Variants in ATP5PF observed in about 807,000 individuals in gnomAD.
ATP5PF encodes the protein ATP synthase peripheral stalk subunit F6, mitochondrial.
ATP5PF carries 7 observed loss-of-function variants against 12.0 expected under a neutral mutation model. The ratio of observed to expected loss-of-function variants is 0.58; its 90% CI spans 0.33 to 1.10. The LOEUF (loss-of-function observed/expected upper bound fraction) is 1.10, where lower values mean the gene tolerates loss of function less well. Ranked by LOEUF, ATP5PF falls within the 50% of genes least tolerant of loss-of-function variation. The pLI is 0.03. For synonymous variants in ATP5PF, 41 were observed against 45.4 expected (o/e 0.90, Z 0.39); for missense variants, 120 against 127.7 (o/e 0.94, Z 0.29).
At chr21:25,735,311 G>T (rs1304174716), upstream of ATP5PF, 7 of 306,754 alleles carry the variant, frequency 2.3e-5, no homozygotes, top group East Asian at 6.5e-5. Flanking sequence ...GTGCTTCCTT[G>T]TACCTCGTGA....
intron 1 of ATP5PF, 83 bp downstream of exon 1, chr21:25,734,770 G>A (rs1189517149): frequency 7.3e-7 from 1 of 1,364,682 alleles, no homozygotes; most frequent in African/African-American, 1.4e-5. Flanking sequence ...CCTAGTAAAG[G>A]TGAGAGGCAG....
rs1303635543 is a variant in ATP5PF, at chr21:25,734,889, C to G, written c.-44G>C. ...TCCCGAGCTGCCAAAGCCTCCGCCGCCACCACCTCCGCTCTACTTCCGGCC... is the reference window on the plus strand; with the variant it reads ...TCCCGAGCTGCCAAAGCCTCCGCCGGCACCACCTCCGCTCTACTTCCGGCC... On this transcript the variant is annotated 5_prime_UTR_variant, in exon 1 of 4. Coordinates refer to ENST00000284971, the MANE Select transcript of ATP5PF (RefSeq NM_001003703.2). The G allele has an allele frequency of 6.4e-7, 1 of 1,554,804 alleles. No individual in the cohort carries two copies. Among genetic ancestry groups the G allele is most frequent in the East Asian group, 2.4e-5 (1 of 41,596 alleles).
In ATP5PF at chr21:25,724,828, G is replaced by A. The variant is rs76886063; in HGVS notation, c.290-151C>T. Reference sequence around the variant, plus strand: ...CATAGAAATATAGCTAAACATTTATGCAACACTTTCTATGAGCCATGCATT... The same window carrying A: ...CATAGAAATATAGCTAAACATTTATACAACACTTTCTATGAGCCATGCATT... On this transcript the variant is annotated intron_variant, in intron 3 of 3. Coordinates refer to ENST00000284971, the MANE Select transcript of ATP5PF (RefSeq NM_001003703.2). 956 of 775,820 alleles carry A rather than the reference G, an allele frequency of 1.2e-3. 8 individuals are homozygous for A. In the East Asian group the frequency reaches 0.024, roughly 20 times the overall value. The allele number at this position is 775,820 out of a possible 1,614,324, so 48.1% of individuals were successfully genotyped here.
upstream of ATP5PF, chr21:25,735,310 T>A (rs2034998634): frequency 3.3e-6 from 1 of 305,736 alleles, no homozygotes; most frequent in Non-Finnish European, 6.2e-6. Context: ...TGTGCTTCCT[T>A]GTACCTCGTG....
chr21:25,732,985 C>CAAAAAAAAA (rs370858284), intron 1 of ATP5PF, among the ~76,000 whole-genome samples: 7 of 47,810 alleles, frequency 1.5e-4, no homozygotes, highest in Admixed American at 3.7e-4. Flanking sequence ...AACTCTGTCT[C>CAAAAAAAAA]AAAAAAAAAA....
At chr21:25,728,631 G>C (rs546971816) in intron 2 of ATP5PF, among the ~76,000 whole-genome samples, 2 of 152,162 alleles carry the variant, frequency 1.3e-5, no homozygotes, top group African/African-American at 2.4e-5. Flanking sequence ...AAAATGATGT[G>C]AGTAAATTCT....
At chr21:25,734,789 T>C in intron 1 of ATP5PF, 64 bp downstream of exon 1, 1 of 1,470,708 alleles carries the variant, frequency 6.8e-7, no homozygotes, top group Non-Finnish European at 9.1e-7. Context: ...AGCCCAGGCC[T>C]CGTGAAAAAA....
upstream of ATP5PF, chr21:25,735,002 T>C (rs763296625): frequency 5.8e-6 from 9 of 1,545,966 alleles, no homozygotes; most frequent in Admixed American, 1.6e-4. Context: ...ACAGGAAGCG[T>C]CTCGGAGACA....
chr21:25,735,226 G>A, upstream of ATP5PF: 2 of 582,572 alleles, frequency 3.4e-6, no homozygotes, highest in East Asian at 2.9e-5. Context: ...TCAGCGTCCT[G>A]TTCGTTAGGG....
intron 1 of ATP5PF, among the ~76,000 whole-genome samples, chr21:25,733,553 C>T (rs371171180): frequency 6.6e-6 from 1 of 151,770 alleles, no homozygotes; most frequent in East Asian, 1.9e-4. Context: ...GTCAAAGTTA[C>T]ACAGCAAAAT....
chr21:25,725,164 G>T (rs2034583173), intron 3 of ATP5PF, 62 bp downstream of exon 3: 2 of 1,540,674 alleles, frequency 1.3e-6, no homozygotes, highest in Non-Finnish European at 1.7e-6. Flanking sequence ...AAAAATCCAG[G>T]TAAGTGTAAA....
chr21:25,732,547 G>A (rs1341580442), intron 1 of ATP5PF, among the ~76,000 whole-genome samples: 3 of 151,736 alleles, frequency 2.0e-5, no homozygotes, highest in African/African-American at 7.3e-5. Context: ...TTGGGAGGCT[G>A]AGGCTGGAGG....
intron 1 of ATP5PF, among the ~76,000 whole-genome samples, chr21:25,732,790 C>T (rs2034821260): frequency 6.6e-6 from 1 of 151,772 alleles, no homozygotes; most frequent in African/African-American, 2.4e-5. Context: ...TCAAGATCAG[C>T]CTGACCAACA....
At chr21:25,729,838 C>T in intron 1 of ATP5PF, 37 bp from the exon 2 acceptor site, 1 of 1,590,818 alleles carries the variant, frequency 6.3e-7, no homozygotes, top group Non-Finnish European at 8.6e-7. Context: ...CGTTAATATA[C>T]TTATTATAAA....
chr21:25,730,736 C>CACAAAAAAAAAAAAAAAAAAAAAAAAAA (rs1219090743), intron 1 of ATP5PF, among the ~76,000 whole-genome samples: 1 of 31,880 alleles, frequency 3.1e-5, no homozygotes, highest in Non-Finnish European at 7.0e-5. Context: ...CTCCGTCTCA[C>CACAAAAAAAAAAAAAAAAAAAAAAAAAA]AAAAAAAAAA....
intron 2 of ATP5PF, among the ~76,000 whole-genome samples, chr21:25,725,689 C>T (rs58330961): frequency 0.12 from 17,696 of 152,242 alleles, 1,223 homozygotes; most frequent in East Asian, 0.29. Flanking sequence ...CCGCCCGCCT[C>T]GGCCTCCCAT....
At chr21:25,734,048 C>T (rs2034903409) in intron 1 of ATP5PF, among the ~76,000 whole-genome samples, 1 of 152,234 alleles carries the variant, frequency 6.6e-6, no homozygotes, top group South Asian at 2.1e-4. Flanking sequence ...AACACATAAT[C>T]CCATATCAAA....
At position 25,729,768 on chromosome 21, in the gene ATP5PF, G is replaced by A. The variant is rs760716483; in HGVS notation, c.27C>T (p.Phe9=). MILQRLFR[F]SSVIRSAVSV... is the part of the protein sequence containing the mutation. ...AGACGGCTGACCGAATGACAGAGGAGAACCTGAAGAGCCTCTGAAGAATCA... is the reference window on the plus strand; with the variant it reads ...AGACGGCTGACCGAATGACAGAGGAAAACCTGAAGAGCCTCTGAAGAATCA... Residue 9 remains phenylalanine (F), a synonymous_variant, in exon 2 of 4, where the codon TTC becomes TTT. Transcript: ENST00000284971. 3 of 1,613,802 alleles carry A rather than the reference G, an allele frequency of 1.9e-6. No individual in the cohort carries two copies. In the African/African-American group the frequency reaches 4.0e-5, roughly 22 times the overall value.
At chr21:25,734,751 C>T in intron 1 of ATP5PF, 102 bp downstream of exon 1, 1 of 1,208,412 alleles carries the variant, frequency 8.3e-7, no homozygotes, top group Non-Finnish European at 1.1e-6. Context: ...CACAGAGCTG[C>T]TCTCTCCTCC....
Sources: gnomAD v4.1 joint callset for allele counts (sites outside exome capture counted in the v4.1 genomes callset) on GRCh38, gnomAD v4.1.1 for gene constraint, MANE v1.5 for transcripts, NCBI Gene and HGNC (gene_info 2026-07-23, HGNC 2026-07-21) for gene names.